Variants in SLIT3 observed in about 807,000 individuals in gnomAD.
The protein encoded by SLIT3 is slit guidance ligand 3, also known as slit homolog 3 protein.
In SLIT3, 68 loss-of-function variants were observed where a neutral mutation model predicts 184.0. The ratio of observed to expected loss-of-function variants is 0.37; its 90% CI spans 0.30 to 0.45. The LOEUF (loss-of-function observed/expected upper bound fraction) is 0.45, where lower values mean the gene tolerates loss of function less well. Among genes scored for constraint, SLIT3 ranks in the 20% least tolerant of loss-of-function variants. SLIT3 has a pLI of 1.00. For missense variants in SLIT3, 1,707 were observed against 2,026.0 expected (o/e 0.84, Z 3.02); for synonymous variants, 831 against 828.6 (o/e 1.00, Z -0.05).
Position 169,191,963 on chromosome 5 carries a change from A to G in SLIT3, c.413+1516T>C, listed in dbSNP as rs1007882755. Among the ~76,000 whole-genome samples the G allele has an allele frequency of 1.1e-4, 17 of 152,310 alleles. No individual in the cohort carries two copies. The East Asian group carries it at 1.9e-3, about 17-fold the overall frequency. ...ATTGATGCTTATGTCTCAGATGAAT[A>G]GTATATACTCTGCTGTAGTACTTAG... On this transcript the variant is annotated intron_variant, in intron 4 of 35. Transcript: ENST00000519560.
intron 1 of SLIT3, among the ~76,000 whole-genome samples, chr5:169,292,180 AACCTGAAGCT>A: frequency 6.6e-6 from 1 of 152,278 alleles, no homozygotes; most frequent in South Asian, 2.1e-4. Flanking sequence ...TGTGTTTAAA[AACCTGAAGCT>A]ACCTGAGCTC....
intron 7 of SLIT3, among the ~76,000 whole-genome samples, chr5:168,821,097 T>C (rs928812659): frequency 1.3e-5 from 2 of 151,978 alleles, no homozygotes; most frequent in African/African-American, 2.4e-5. Context: ...ACAGACGAGA[T>C]TGATTGATTG....
intron 34 of SLIT3, among the ~76,000 whole-genome samples, chr5:168,670,220 G>GCAGAGGCTGGCTTGCTGATTT (rs1376089356): frequency 2.6e-5 from 4 of 152,342 alleles, no homozygotes; most frequent in African/African-American, 9.6e-5. Flanking sequence ...TGTGACCACA[G>GCAGAGGCTGGCTTGCTGATTT]CAGAGGCTGG....
chr5:168,685,273 G>C (rs925781223), intron 31 of SLIT3, among the ~76,000 whole-genome samples: 9 of 152,190 alleles, frequency 5.9e-5, no homozygotes, highest in African/African-American at 2.2e-4. Context: ...AAGTTCTCGA[G>C]GTGATTCTAA....
intron 4 of SLIT3, among the ~76,000 whole-genome samples, chr5:168,940,517 A>C (rs769794656): frequency 1.3e-5 from 2 of 152,070 alleles, no homozygotes; most frequent in Non-Finnish European, 2.9e-5. Context: ...TTTTTTTTTA[A>C]GTAAAAAACA....
chr5:168,808,962 G>C (rs982182143), intron 8 of SLIT3, among the ~76,000 whole-genome samples: 1 of 152,150 alleles, frequency 6.6e-6, no homozygotes, highest in African/African-American at 2.4e-5. Context: ...TTCCTGTTTG[G>C]AAATGTCAGG....
chr5:168,945,524 C>G (rs1430046563), intron 4 of SLIT3, among the ~76,000 whole-genome samples: 2 of 152,212 alleles, frequency 1.3e-5, no homozygotes, highest in Non-Finnish European at 2.9e-5. Context: ...GCATGAGCCA[C>G]CACGCCCGGC....
Position 168,817,337 on chromosome 5 carries a change from G to A in SLIT3, c.756C>T (p.Asn252=), listed in dbSNP as rs146868284. ...ACTCCTTCTTCTGCACATCCGCCAC[G>A]TTGAAGCCCCTCAAATGCACAGGAG... is the stretch of plus-strand genomic sequence containing the variant. ...CMAPVHLRGF[N]VADVQKKEYV... The change falls in exon 8 of 36, where the codon AAC becomes AAT. Residue 252 remains asparagine (N), a synonymous_variant. Coordinates refer to ENST00000519560, the MANE Select transcript of SLIT3 (RefSeq NM_003062.4). 138 of 1,614,062 alleles carry A rather than the reference G, an allele frequency of 8.5e-5. No homozygotes were observed. The highest frequency in any genetic ancestry group is 6.6e-4 in the Middle Eastern group (4 of 6,084).
chr5:169,018,501 G>A (rs1426800449), intron 4 of SLIT3: 1 of 152,316 alleles, frequency 6.6e-6, no homozygotes, highest in Non-Finnish European at 1.5e-5. Context: ...ACAGGTGAGA[G>A]GAGGATGCTG....
At chr5:169,062,593 G>A (rs78937523) in intron 4 of SLIT3, among the ~76,000 whole-genome samples, 221 of 152,270 alleles carry the variant, frequency 1.5e-3, no homozygotes, top group African/African-American at 4.9e-3. Flanking sequence ...TGCTCCTGCC[G>A]TTAGATACTA....
intron 4 of SLIT3, 103 bp from the exon 5 acceptor site, chr5:168,883,439 G>T: frequency 1.2e-6 from 1 of 859,316 alleles, no homozygotes; most frequent in Non-Finnish European, 1.9e-6. Context: ...TGCTGCCTCT[G>T]CGGTCAGAGT....
intron 4 of SLIT3, among the ~76,000 whole-genome samples, chr5:168,917,578 C>T (rs1209797668): frequency 6.6e-6 from 1 of 152,166 alleles, no homozygotes; most frequent in Non-Finnish European, 1.5e-5. Context: ...AGAAAGATGG[C>T]CACAGCCCTT....
rs1042986711 is a variant in SLIT3 at position 169,275,625 on chromosome 5, T to C, written c.198-24166A>G. On this transcript the variant is annotated intron_variant, in intron 1 of 35. Coordinates refer to ENST00000519560, the MANE Select transcript of SLIT3 (RefSeq NM_003062.4). The stretch of plus-strand genomic sequence containing the variant: ...TGGAGGGTGAAAGGCACTTCTTATA[T>C]GACAGCAGCAAGAGAGAAATGAATG... Among the ~76,000 whole-genome samples the C allele has an allele frequency of 6.6e-5, 10 of 152,134 alleles. 1 individual carries two copies. The highest frequency in any genetic ancestry group is 2.0e-4 in the Admixed American group (3 of 15,274).
At chr5:168,797,986 G>T (rs937927087) in intron 9 of SLIT3, among the ~76,000 whole-genome samples, 1 of 152,060 alleles carries the variant, frequency 6.6e-6, no homozygotes, top group African/African-American at 2.4e-5. Context: ...ACACAGAGAC[G>T]TCATGCAGTC....
intron 4 of SLIT3, among the ~76,000 whole-genome samples, chr5:169,008,850 AC>A (rs1184476939): frequency 2.6e-5 from 4 of 152,142 alleles, no homozygotes. Flanking sequence ...CTAAGCCCTT[AC>A]TATTTTCCAG....
chr5:169,029,817 C>A, intron 4 of SLIT3, among the ~76,000 whole-genome samples: 1 of 152,146 alleles, frequency 6.6e-6, no homozygotes, highest in East Asian at 1.9e-4. Flanking sequence ...ATACACAATT[C>A]CAATGGAATC....
intron 9 of SLIT3, among the ~76,000 whole-genome samples, chr5:168,797,199 C>A (rs1756592694): frequency 1.3e-5 from 2 of 152,100 alleles, no homozygotes; most frequent in Non-Finnish European, 2.9e-5. Flanking sequence ...AGACTTGAGG[C>A]AGCCTGCCTT....
intron 11 of SLIT3, among the ~76,000 whole-genome samples, chr5:168,787,807 G>T (rs753998486): frequency 2.6e-5 from 4 of 152,018 alleles, no homozygotes; most frequent in Admixed American, 6.6e-5. Context: ...AGGGGTAAAG[G>T]CTCTCCAGCC....
At chr5:169,136,499 C>T (rs6880817) in intron 4 of SLIT3, among the ~76,000 whole-genome samples, 50,566 of 151,980 alleles carry the variant, frequency 0.33, 8,829 homozygotes, top group Middle Eastern at 0.46. Context: ...TGACTGTGAA[C>T]GGTCCCTTGA....
Sources: allele counts gnomAD v4.1 joint callset (sites outside exome capture counted in the v4.1 genomes callset), GRCh38; gene constraint gnomAD v4.1.1; transcripts MANE v1.5; gene names NCBI Gene and HGNC (gene_info 2026-07-23, HGNC 2026-07-21).